Variants in FAM186A observed in about 807,000 individuals in gnomAD.
FAM186A encodes the protein family with sequence similarity 186 member A.
A neutral mutation model predicts 216.8 loss-of-function variants in FAM186A; 163 were observed. The observed-to-expected ratio is 0.75, with a 90% CI of 0.66 to 0.86. The LOEUF is 0.86. Ranked by LOEUF, FAM186A falls within the 40% of genes least tolerant of loss-of-function variation. The probability of loss-of-function intolerance (pLI) is 0.00; values close to 1 mark genes in which losing one functional copy is unlikely to be tolerated. For synonymous variants in FAM186A, 805 were observed against 1,025.3 expected (o/e 0.79, Z 4.10); for missense variants, 2,184 against 2,746.2 (o/e 0.80, Z 4.58).
chr12:50,364,282 C>T (rs369044021), intron 1 of FAM186A, among the ~76,000 whole-genome samples: 2 of 152,042 alleles, frequency 1.3e-5, no homozygotes, highest in Non-Finnish European at 2.9e-5. Context: ...AGGCTGGGTG[C>T]GGTGGCTCAC....
At chr12:50,378,910 A>C (rs1226136844) in intron 1 of FAM186A, among the ~76,000 whole-genome samples, 1 of 152,192 alleles carries the variant, frequency 6.6e-6, no homozygotes. Flanking sequence ...TACTTTCTGC[A>C]GCATTGTTTG....
intron 2 of FAM186A, among the ~76,000 whole-genome samples, chr12:50,362,456 A>T (rs1003348966): frequency 4.6e-5 from 7 of 152,080 alleles, no homozygotes; most frequent in African/African-American, 1.7e-4. Context: ...AAAAATAAAG[A>T]AAGGTAGGCC....
intron 1 of FAM186A, among the ~76,000 whole-genome samples, chr12:50,366,838 C>T (rs1458629952): frequency 1.3e-5 from 2 of 151,772 alleles, no homozygotes; most frequent in Non-Finnish European, 2.9e-5. Context: ...CATGGTGAAA[C>T]CCTGGCTCTA....
intron 4 of FAM186A, among the ~76,000 whole-genome samples, chr12:50,349,824 G>T (rs539824257): frequency 3.0e-4 from 45 of 151,906 alleles, no homozygotes; most frequent in South Asian, 1.7e-3. Flanking sequence ...TCTAATTTTT[G>T]AATTTTTTGC....
chr12:50,371,653 G>A (rs989528369), intron 1 of FAM186A, among the ~76,000 whole-genome samples: 5 of 152,200 alleles, frequency 3.3e-5, no homozygotes, highest in African/African-American at 1.2e-4. Context: ...AAGGGAAATG[G>A]ATATTGTTGT....
chr12:50,393,297 C>T (rs1052510994), intron 1 of FAM186A, among the ~76,000 whole-genome samples: 2 of 151,884 alleles, frequency 1.3e-5, no homozygotes, highest in Admixed American at 1.3e-4. Context: ...TAGCACTTTG[C>T]GAGGCCGAGG....
At chr12:50,334,386 G>T (rs1305208942) in intron 4 of FAM186A, among the ~76,000 whole-genome samples, 2 of 151,654 alleles carry the variant, frequency 1.3e-5, no homozygotes, top group Non-Finnish European at 2.9e-5. Flanking sequence ...TGGTCAGGCT[G>T]GTCTCAAACT....
At chr12:50,330,479 T>G in intron 7 of FAM186A, 94 bp downstream of exon 7, 1 of 1,276,462 alleles carries the variant, frequency 7.8e-7, no homozygotes. Context: ...TTTTGGTTGA[T>G]GTACCTGGTG....
chr12:50,363,119 C>A, intron 2 of FAM186A, 26 bp downstream of exon 2: 1 of 1,507,132 alleles, frequency 6.6e-7, no homozygotes, highest in Non-Finnish European at 8.9e-7. Flanking sequence ...TTATGGTTTT[C>A]CTCTGAACCG....
At chr12:50,364,578 TAAAATAAAAATAA>T (rs926870852) in intron 1 of FAM186A, among the ~76,000 whole-genome samples, 1 of 136,556 alleles carries the variant, frequency 7.3e-6, no homozygotes, top group African/African-American at 2.7e-5. Context: ...AATAAATAAA[TAAAATAAAAATAA>T]AAATAAAATA....
At chr12:50,344,027 C>T (rs1175355987) in intron 4 of FAM186A, among the ~76,000 whole-genome samples, 1 of 147,164 alleles carries the variant, frequency 6.8e-6, no homozygotes, top group Non-Finnish European at 1.5e-5. Flanking sequence ...ACTAGGATTA[C>T]AGGATAAGCC....
intron 3 of FAM186A, among the ~76,000 whole-genome samples, chr12:50,356,696 A>C (rs1942980495): frequency 6.6e-6 from 1 of 152,160 alleles, no homozygotes; most frequent in Non-Finnish European, 1.5e-5. Context: ...TTGGGGTTAG[A>C]TATAATGTAT....
intron 1 of FAM186A, among the ~76,000 whole-genome samples, chr12:50,363,584 T>C (rs747766932): frequency 2.0e-5 from 3 of 152,140 alleles, no homozygotes; most frequent in East Asian, 1.9e-4. Flanking sequence ...GGAAAGAGCA[T>C]TGGGTTTGAA....
chr12:50,379,611 AC>A (rs1329290507), intron 1 of FAM186A, among the ~76,000 whole-genome samples: 1 of 151,080 alleles, frequency 6.6e-6, no homozygotes, highest in Non-Finnish European at 1.5e-5. Flanking sequence ...ACATGGAGAA[AC>A]CCCATCTCTA....
rs1043687104 is a variant in FAM186A, at chr12:50,355,837, C to T, written c.995G>A (p.Arg332Gln). ...DAEEKCEQLI[R>Q]SKIVIEQLYA... is the part of the protein sequence containing the mutation. ...TAGTTGTTCTATAACAATTTTGGAT[C>T]GAATAAGTTGTTCACATTTTTCTTC... Residue 332 changes from arginine (R) to glutamine (Q), a missense_variant, in exon 4 of 8, where the codon CGA (arginine) becomes CAA (glutamine). Coordinates refer to ENST00000327337, the MANE Select transcript of FAM186A (RefSeq NM_001145475.3). The T allele has an allele frequency of 3.2e-6, 5 of 1,551,094 alleles. No individual in the cohort carries two copies. The highest frequency in any genetic ancestry group is 1.2e-5 in the South Asian group (1 of 83,882).
At chr12:50,376,672 C>A (rs1316377412) in intron 1 of FAM186A, among the ~76,000 whole-genome samples, 1 of 151,986 alleles carries the variant, frequency 6.6e-6, no homozygotes, top group African/African-American at 2.4e-5. Context: ...CAAGGAAGTT[C>A]TCACTCTGGT....
At chr12:50,386,640 A>C (rs1943306380) in intron 1 of FAM186A, among the ~76,000 whole-genome samples, 1 of 152,018 alleles carries the variant, frequency 6.6e-6, no homozygotes, top group East Asian at 1.9e-4. Flanking sequence ...CAGGCAGATC[A>C]CTTAACGTCA....
intron 1 of FAM186A, among the ~76,000 whole-genome samples, chr12:50,368,880 G>A (rs1460708698): frequency 6.6e-6 from 1 of 151,480 alleles, no homozygotes; most frequent in African/African-American, 2.4e-5. Flanking sequence ...AACAGTATGT[G>A]TATAGTATAG....
chr12:50,338,056 A>G (rs766245615), intron 4 of FAM186A, among the ~76,000 whole-genome samples: 25 of 152,162 alleles, frequency 1.6e-4, no homozygotes, highest in Non-Finnish European at 3.1e-4. Context: ...TTACGTTGAT[A>G]AAACATTGCC....
Sources: allele counts gnomAD v4.1 joint callset (sites outside exome capture counted in the v4.1 genomes callset), GRCh38; gene constraint gnomAD v4.1.1; transcripts MANE v1.5; gene names NCBI Gene and HGNC (gene_info 2026-07-23, HGNC 2026-07-21).